GMDS: variants seen among roughly 807,000 people sequenced by gnomAD.
The protein encoded by GMDS is GDP-mannose 4,6 dehydratase.
GMDS carries 20 observed loss-of-function variants against 49.9 expected under a neutral mutation model. That is an observed-to-expected ratio of 0.40 (90% CI 0.28 to 0.58). The LOEUF (loss-of-function observed/expected upper bound fraction) is 0.58. Among genes scored for constraint, GMDS ranks in the 20% least tolerant of loss-of-function variants. The probability of loss-of-function intolerance (pLI) is 0.42; values close to 1 mark genes in which losing one functional copy is unlikely to be tolerated. For synonymous variants in GMDS, 177 were observed against 178.6 expected (o/e 0.99, Z 0.07); for missense variants, 362 against 481.4 (o/e 0.75, Z 2.32).
intron 6 of GMDS, among the ~76,000 whole-genome samples, chr6:1,932,346 T>C (rs1762325746): frequency 6.6e-6 from 1 of 152,108 alleles, no homozygotes; most frequent in African/African-American, 2.4e-5. Context: ...ATTTTGTACA[T>C]GAAGAAGCTG....
chr6:1,887,296 G>A (rs919702651), intron 7 of GMDS, among the ~76,000 whole-genome samples: 6 of 152,080 alleles, frequency 3.9e-5, no homozygotes, highest in African/African-American at 1.4e-4. Flanking sequence ...TGGCTTCTGA[G>A]CTCAGGGTAC....
intron 1 of GMDS, among the ~76,000 whole-genome samples, chr6:2,205,311 C>A (rs1779757767): frequency 6.6e-6 from 1 of 152,164 alleles, no homozygotes; most frequent in Admixed American, 6.5e-5. Flanking sequence ...CCATTAGTTG[C>A]ATATAAAACT....
intron 7 of GMDS, among the ~76,000 whole-genome samples, chr6:1,881,104 A>G (rs577073534): frequency 9.2e-5 from 14 of 152,358 alleles, no homozygotes; most frequent in Middle Eastern, 3.4e-3. Context: ...TTTTTCTATC[A>G]TCAGTAAAAA....
chr6:1,781,799 A>T (rs1193745970), intron 7 of GMDS, among the ~76,000 whole-genome samples: 1 of 152,066 alleles, frequency 6.6e-6, no homozygotes, highest in Non-Finnish European at 1.5e-5. Context: ...GCCTTTGTAC[A>T]ATTTTACAGT....
chr6:1,677,115 C>T (rs1190243619), intron 9 of GMDS, among the ~76,000 whole-genome samples: 2 of 152,200 alleles, frequency 1.3e-5, no homozygotes, highest in African/African-American at 2.4e-5. Context: ...AAAAAGTGGG[C>T]AAAGGATACG....
At chr6:1,829,466 C>T (rs1176951695) in intron 7 of GMDS, among the ~76,000 whole-genome samples, 1 of 152,230 alleles carries the variant, frequency 6.6e-6, no homozygotes, top group East Asian at 1.9e-4. Context: ...CACAGTCTTG[C>T]TGTATCATCC....
At chr6:2,226,556 C>T (rs1420219565) in intron 1 of GMDS, among the ~76,000 whole-genome samples, 1 of 152,128 alleles carries the variant, frequency 6.6e-6, no homozygotes, top group Non-Finnish European at 1.5e-5. Flanking sequence ...GATATTATAA[C>T]CCTCCTATCA....
chr6:1,954,793 T>C (rs1412552517), intron 6 of GMDS, among the ~76,000 whole-genome samples: 3 of 152,170 alleles, frequency 2.0e-5, no homozygotes, highest in African/African-American at 7.2e-5. Flanking sequence ...TGGAGGCCAA[T>C]GGAGGGCTAT....
intron 8 of GMDS, among the ~76,000 whole-genome samples, chr6:1,739,023 T>C (rs1767156724): frequency 6.6e-6 from 1 of 152,218 alleles, no homozygotes; most frequent in African/African-American, 2.4e-5. Flanking sequence ...TGTGCTTAAT[T>C]AAGTATTTAC....
intron 1 of GMDS, among the ~76,000 whole-genome samples, chr6:2,136,030 G>A (rs900278854): frequency 6.6e-6 from 1 of 152,146 alleles, no homozygotes; most frequent in Admixed American, 6.5e-5. Context: ...TGCCTAGGTT[G>A]CAACCTGTAC....
At chr6:2,034,637 A>G (rs1340281133) in intron 4 of GMDS, among the ~76,000 whole-genome samples, 1 of 152,244 alleles carries the variant, frequency 6.6e-6, no homozygotes, top group Non-Finnish European at 1.5e-5. Context: ...TCACAGGCCA[A>G]CAGTGATCTA....
chr6:2,227,086 T>C (rs9405549), intron 1 of GMDS, among the ~76,000 whole-genome samples: 60,593 of 151,962 alleles, frequency 0.4, 13,980 homozygotes, highest in African/African-American at 0.63. Flanking sequence ...TTGTTTTTTT[T>C]CCCCCTGAAA....
chr6:2,081,681 G>A (rs536121715), intron 4 of GMDS, among the ~76,000 whole-genome samples: 4 of 152,238 alleles, frequency 2.6e-5, no homozygotes, highest in East Asian at 1.9e-4. Context: ...ACAGTGTACC[G>A]ATTTGCTTTT....
At chr6:1,861,792 C>A (rs1430572643) in intron 7 of GMDS, among the ~76,000 whole-genome samples, 3 of 152,086 alleles carry the variant, frequency 2.0e-5, no homozygotes, top group Non-Finnish European at 2.9e-5. Context: ...GCACTTTAGT[C>A]CCCAGTCACA....
intron 6 of GMDS, among the ~76,000 whole-genome samples, chr6:1,950,379 A>G (rs1763280971): frequency 6.6e-6 from 1 of 152,222 alleles, no homozygotes; most frequent in African/African-American, 2.4e-5. Flanking sequence ...TGTTATTCTT[A>G]TAACTAATAA....
chr6:1,960,002 G>A (rs750631621), intron 5 of GMDS, 31 bp from the exon 6 acceptor site: 7 of 1,372,940 alleles, frequency 5.1e-6, no homozygotes, highest in African/African-American at 2.9e-5. Context: ...AAGCAATGAA[G>A]TTTGTTGTAA....
chr6:2,066,814 G>T (rs1422633247), intron 4 of GMDS, among the ~76,000 whole-genome samples: 1 of 151,790 alleles, frequency 6.6e-6, no homozygotes, highest in East Asian at 1.9e-4. Context: ...CATTAATAAT[G>T]GGAGACTTTA....
intron 1 of GMDS, among the ~76,000 whole-genome samples, chr6:2,207,993 G>A (rs1347127443): frequency 6.7e-6 from 1 of 148,754 alleles, no homozygotes; most frequent in African/African-American, 2.4e-5. Context: ...GGAAAGATGA[G>A]GTGGAAAAGG....
At chr6:1,698,945 A>G (rs1765445189) in intron 9 of GMDS, among the ~76,000 whole-genome samples, 2 of 152,066 alleles carry the variant, frequency 1.3e-5, no homozygotes, top group Admixed American at 6.5e-5. Flanking sequence ...ACTCACAACA[A>G]GCCACAGTCA....
Sources: allele counts gnomAD v4.1 joint callset (sites outside exome capture counted in the v4.1 genomes callset), GRCh38; gene constraint gnomAD v4.1.1; transcripts MANE v1.5; gene names NCBI Gene and HGNC (gene_info 2026-07-23, HGNC 2026-07-21).